Variants in DENND5A observed in about 807,000 individuals in gnomAD.
DENND5A encodes DENN domain-containing protein 5A.
In DENND5A, 64 loss-of-function variants were observed where a neutral mutation model predicts 140.3. The observed-to-expected ratio is 0.46, with a 90% CI of 0.37 to 0.56. DENND5A has a LOEUF of 0.56. DENND5A is among the 20% of genes least tolerant of loss of function. The pLI, the probability that DENND5A is intolerant of heterozygous loss-of-function variation, is 0.00. For missense variants in DENND5A, 1,292 were observed against 1,593.8 expected, an observed-to-expected ratio of 0.81 and a Z score of 3.22; for synonymous variants, 605 against 607.7, an observed-to-expected ratio of 1.00 and a Z score of 0.07.
chr11:9,217,296 CT>C (rs1313732777), intron 1 of DENND5A, among the ~76,000 whole-genome samples: 1 of 152,040 alleles, frequency 6.6e-6, no homozygotes, highest in Non-Finnish European at 1.5e-5. Flanking sequence ...GGGTGATCAC[CT>C]GAGGTCAGGA....
At chr11:9,152,125 A>C (rs921632662) in intron 13 of DENND5A, among the ~76,000 whole-genome samples, 1 of 152,242 alleles carries the variant, frequency 6.6e-6, no homozygotes, top group African/African-American at 2.4e-5. Context: ...TCTTGCCCAA[A>C]TAAATTTTCT....
At chr11:9,253,882 G>A (rs1452395744) in intron 1 of DENND5A, among the ~76,000 whole-genome samples, 3 of 151,782 alleles carry the variant, frequency 2.0e-5, no homozygotes, top group East Asian at 1.9e-4. Flanking sequence ...ACAACAATGG[G>A]CGCAGTGGCT....
At chr11:9,181,116 T>A in intron 5 of DENND5A, 32 bp from the exon 6 acceptor site, 2 of 1,585,696 alleles carry the variant, frequency 1.3e-6, no homozygotes, top group Non-Finnish European at 1.7e-6. Flanking sequence ...GGAGTATGAA[T>A]AACTCCAGAG....
chr11:9,150,179 A>C lies in DENND5A; in HGVS notation c.2637T>G (p.Thr879=). Reference sequence around the variant, plus strand: ...CCCATGCTCTGGCCTTTCCCACATCAGTCTTGATTTCCCCGATGTTCTGGA... The same window carrying C: ...CCCATGCTCTGGCCTTTCCCACATCCGTCTTGATTTCCCCGATGTTCTGGA... ...RHIQNIGEIK[T]DVGKARAWVR... Residue 879 remains threonine (T), a synonymous_variant, in exon 15 of 23, where the codon ACT becomes ACG. Coordinates refer to ENST00000328194, the MANE Select transcript of DENND5A (RefSeq NM_015213.4). 1 of 1,613,842 alleles carries C rather than the reference A, an allele frequency of 6.2e-7. No individual in the cohort carries two copies. The highest frequency in any genetic ancestry group is 2.2e-5 in the East Asian group (1 of 44,872).
Position 9,150,784 on chromosome 11 carries a change from C to A in DENND5A, c.2522-20G>T. 1.3e-6 allele frequency: 2 copies of A among 1,563,446 alleles called. No individual in the cohort carries two copies. The highest frequency in any genetic ancestry group is 2.2e-5 in the South Asian group (2 of 89,480). On this transcript the variant is annotated intron_variant, in intron 13 of 22. Coordinates refer to ENST00000328194, the MANE Select transcript of DENND5A (RefSeq NM_015213.4). The stretch of plus-strand genomic sequence containing the variant: ...GTATTCCTAGAATAAACAAGTTGGT[C>A]ATGTCCAAAGAGATCTGAATATCCA...
At chr11:9,243,672 G>A (rs533161609) in intron 1 of DENND5A, among the ~76,000 whole-genome samples, 13 of 152,292 alleles carry the variant, frequency 8.5e-5, no homozygotes, top group African/African-American at 2.9e-4. Flanking sequence ...CGGATTACAA[G>A]GTCAGGAGTT....
At chr11:9,255,017 G>C (rs1262938882) in intron 1 of DENND5A, among the ~76,000 whole-genome samples, 2 of 152,044 alleles carry the variant, frequency 1.3e-5, no homozygotes, top group Non-Finnish European at 2.9e-5. Context: ...GTTGCAGTGA[G>C]CCAAGATCGT....
chr11:9,209,410 T>A (rs1446891106), intron 1 of DENND5A, among the ~76,000 whole-genome samples: 4 of 152,144 alleles, frequency 2.6e-5, no homozygotes, highest in African/African-American at 9.7e-5. Flanking sequence ...TGATCTGAAG[T>A]GTGGTCAAAA....
chr11:9,174,923 C>A (rs768832918), intron 8 of DENND5A, among the ~76,000 whole-genome samples: 1 of 151,232 alleles, frequency 6.6e-6, no homozygotes, highest in Admixed American at 6.6e-5. Flanking sequence ...TATTTGACTT[C>A]GTACTAGAGG....
At chr11:9,190,205 T>C (rs1230358066) in intron 5 of DENND5A, among the ~76,000 whole-genome samples, 1 of 152,200 alleles carries the variant, frequency 6.6e-6, no homozygotes. Context: ...GATGAGACTT[T>C]AGACTATGGA....
chr11:9,184,234 TCC>T, intron 5 of DENND5A, among the ~76,000 whole-genome samples: 1 of 151,852 alleles, frequency 6.6e-6, no homozygotes, highest in East Asian at 1.9e-4. Flanking sequence ...GTGCCTATAG[TCC>T]CAGCTACTTG....
chr11:9,180,754 A>AT lies in DENND5A; in HGVS notation c.1455+12dup. On this transcript the variant is annotated intron_variant, in intron 6 of 22. Transcript: ENST00000328194. The stretch of plus-strand genomic sequence containing the variant: ...CAGATCACACGTGTCACAGACTCAT[A>AT]TACACATCTTACCTTTTCCAGGCTC... 1 of 1,611,806 alleles carries AT rather than the reference A, an allele frequency of 6.2e-7. No individual in the cohort carries two copies. The highest frequency in any genetic ancestry group is 8.5e-7 in the Non-Finnish European group (1 of 1,178,676).
intron 6 of DENND5A, among the ~76,000 whole-genome samples, 181 bp downstream of exon 6, chr11:9,180,586 T>C (rs758708181): frequency 9.2e-5 from 14 of 152,222 alleles, no homozygotes; most frequent in South Asian, 2.1e-4. Context: ...TAGATTAAAG[T>C]AGCATTTACT....
At chr11:9,238,219 T>C (rs529252194) in intron 1 of DENND5A, among the ~76,000 whole-genome samples, 3 of 152,266 alleles carry the variant, frequency 2.0e-5, no homozygotes, top group Admixed American at 6.5e-5. Context: ...ATATTCATGA[T>C]AGAACATCAA....
At chr11:9,141,403 T>A (rs1203547597) in intron 22 of DENND5A, among the ~76,000 whole-genome samples, 1 of 152,176 alleles carries the variant, frequency 6.6e-6, no homozygotes, top group Non-Finnish European at 1.5e-5. Flanking sequence ...GAGAAATGTG[T>A]CATTAGACAG....
chr11:9,239,885 C>T (rs925230616), intron 1 of DENND5A, among the ~76,000 whole-genome samples: 1 of 152,198 alleles, frequency 6.6e-6, no homozygotes, highest in African/African-American at 2.4e-5. Flanking sequence ...TCTCTTTCAA[C>T]CCTCAGATTC....
At chr11:9,225,451 A>T (rs1850488951) in intron 1 of DENND5A, among the ~76,000 whole-genome samples, 1 of 152,196 alleles carries the variant, frequency 6.6e-6, no homozygotes. Context: ...TAGTGGGCAG[A>T]TGTTGGCTCT....
chr11:9,215,439 C>T (rs1181834137), intron 1 of DENND5A, among the ~76,000 whole-genome samples: 1 of 152,160 alleles, frequency 6.6e-6, no homozygotes, highest in East Asian at 1.9e-4. Context: ...GCAGAGCACA[C>T]ATCTGTCAGG....
At chr11:9,215,291 C>T (rs1425545117) in intron 1 of DENND5A, among the ~76,000 whole-genome samples, 3 of 152,176 alleles carry the variant, frequency 2.0e-5, no homozygotes, top group Admixed American at 2.0e-4. Context: ...TCTAAAATGG[C>T]TGAACTTCTT....
Sources: allele counts gnomAD v4.1 joint callset (sites outside exome capture counted in the v4.1 genomes callset), GRCh38; gene constraint gnomAD v4.1.1; transcripts MANE v1.5; gene names NCBI Gene and HGNC (gene_info 2026-07-23, HGNC 2026-07-21).